SHTN1: variants seen among roughly 807,000 people sequenced by gnomAD.
SHTN1 encodes shootin-1.
In SHTN1, 42 loss-of-function variants were observed where a neutral mutation model predicts 83.1. That is an observed-to-expected ratio of 0.51 (90% CI 0.39 to 0.65). The LOEUF is 0.65. Among genes scored for constraint, SHTN1 ranks in the 30% least tolerant of loss-of-function variants. The probability of loss-of-function intolerance (pLI) is 0.00; values close to 1 mark genes in which losing one functional copy is unlikely to be tolerated. For synonymous variants in SHTN1, 224 were observed against 247.7 expected, an observed-to-expected ratio of 0.90 and a Z score of 0.90; for missense variants, 622 against 737.8, an observed-to-expected ratio of 0.84 and a Z score of 1.82.
At chr10:116,898,938 T>C (rs1056626798) in intron 16 of SHTN1, among the ~76,000 whole-genome samples, 1 of 152,186 alleles carries the variant, frequency 6.6e-6, no homozygotes, top group African/African-American at 2.4e-5. Context: ...ATGGAATCTA[T>C]ACATATGTTG....
At chr10:116,981,045 G>A (rs866643125) in intron 1 of SHTN1, among the ~76,000 whole-genome samples, 10 of 152,292 alleles carry the variant, frequency 6.6e-5, no homozygotes, top group South Asian at 4.1e-4. Context: ...CAGGCTGGGC[G>A]TGGTGGCTCA....
rs189481044 is a variant in SHTN1 at position 117,052,823 on chromosome 10, T to C, written c.-188-4313A>G. Among the ~76,000 whole-genome samples, 548 of 150,998 alleles carry C rather than the reference T, an allele frequency of 3.6e-3. 3 individuals carry two copies. The highest frequency in any genetic ancestry group is 0.012 in the African/African-American group (491 of 41,220). Reference sequence around the variant, plus strand: ...TCACGAGGCCAGGAGATCGAGACCATCCTGGCTAACATGGTGAAACCCTGT... The same window carrying C: ...TCACGAGGCCAGGAGATCGAGACCACCCTGGCTAACATGGTGAAACCCTGT... On this transcript the variant is annotated intron_variant, in intron 1 of 17. Transcript: ENST00000392901.
intron 2 of SHTN1, among the ~76,000 whole-genome samples, chr10:117,028,326 A>G (rs182167389): frequency 6.6e-6 from 1 of 152,342 alleles, no homozygotes; most frequent in Admixed American, 6.5e-5. Flanking sequence ...AGCAGAGCAT[A>G]AAAGTTTGGA....
chr10:117,101,065 A>G (rs544214896), intron 1 of SHTN1, among the ~76,000 whole-genome samples: 1 of 152,332 alleles, frequency 6.6e-6, no homozygotes, highest in Admixed American at 6.5e-5. Flanking sequence ...ACATAATCCA[A>G]TTTATACTTT....
At chr10:117,032,289 C>T (rs954912686) in intron 2 of SHTN1, among the ~76,000 whole-genome samples, 2 of 152,042 alleles carry the variant, frequency 1.3e-5, no homozygotes, top group South Asian at 2.1e-4. Context: ...CTGCAACCTC[C>T]GCCTCCTGGG....
Position 117,051,999 on chromosome 10 carries a change from CATATATAT to C in SHTN1, c.-188-3497_-188-3490del, listed in dbSNP as rs71013635. On this transcript the variant is annotated intron_variant, in intron 1 of 17. Coordinates refer to the SHTN1 transcript ENST00000392901. ...TACCTTTATTTTCAAATGACATAAT[CATATATAT>C]ATATATATATATATAGAAAAGCCTA... Among the ~76,000 whole-genome samples, 21 of 34,124 alleles carry C rather than the reference CATATATAT, an allele frequency of 6.2e-4. 2 individuals carry two copies. Among genetic ancestry groups the C allele is most frequent in the African/African-American group, 8.4e-4 (10 of 11,908 alleles). The allele number at this position is 34,124 out of a possible 152,430, so 22.4% of individuals were successfully genotyped here.
At chr10:117,098,722 A>G (rs771513034) in intron 1 of SHTN1, among the ~76,000 whole-genome samples, 2 of 152,136 alleles carry the variant, frequency 1.3e-5, no homozygotes, top group Non-Finnish European at 2.9e-5. Context: ...AATAGAAGAA[A>G]AAGAATGCAG....
intron 10 of SHTN1, 115 bp downstream of exon 10, chr10:116,929,734 A>G (rs991380956): frequency 2.2e-5 from 13 of 581,326 alleles, no homozygotes; most frequent in Non-Finnish European, 3.3e-5. Context: ...AAATCTTGGT[A>G]TTTTTCCACA....
chr10:116,916,200 A>G (rs768281265), intron 12 of SHTN1, among the ~76,000 whole-genome samples: 9 of 152,220 alleles, frequency 5.9e-5, no homozygotes, highest in Non-Finnish European at 1.2e-4. Context: ...AAATAAATAA[A>G]TAAAAAAGAG....
chr10:117,029,974 C>T (rs1049743326), intron 2 of SHTN1, among the ~76,000 whole-genome samples: 3 of 151,244 alleles, frequency 2.0e-5, no homozygotes, highest in South Asian at 2.1e-4. Context: ...CTGCAACCTC[C>T]GCCTCCCAGG....
chr10:117,115,547 T>G (rs917717110), intron 1 of SHTN1, among the ~76,000 whole-genome samples: 24 of 152,192 alleles, frequency 1.6e-4, no homozygotes, highest in African/African-American at 5.3e-4. Context: ...GTGAGGCTGC[T>G]CTAGTGATGG....
chr10:117,031,732 CAA>C (rs1174265267), intron 2 of SHTN1, among the ~76,000 whole-genome samples: 1 of 151,900 alleles, frequency 6.6e-6, no homozygotes, highest in Non-Finnish European at 1.5e-5. Context: ...AACTTCAAAC[CAA>C]AAACCATACA....
At chr10:117,063,767 C>T (rs180749798) in intron 1 of SHTN1, among the ~76,000 whole-genome samples, 149 of 152,206 alleles carry the variant, frequency 9.8e-4, no homozygotes, top group African/African-American at 3.4e-3. Context: ...TGTATTCCTA[C>T]ATTTGGTGCC....
intron 12 of SHTN1, 76 bp from the exon 13 acceptor site, chr10:116,915,560 A>C: frequency 1.3e-6 from 1 of 798,166 alleles, no homozygotes; most frequent in Non-Finnish European, 2.1e-6. Context: ...TGACTTGGAA[A>C]AATTACACTA....
intron 8 of SHTN1, among the ~76,000 whole-genome samples, chr10:116,940,896 G>T (rs1207960154): frequency 6.6e-6 from 1 of 152,018 alleles, no homozygotes; most frequent in African/African-American, 2.4e-5. Context: ...ATTAATAGTA[G>T]TAGCTAATAT....
chr10:117,050,306 T>C (rs1852722645), intron 1 of SHTN1, among the ~76,000 whole-genome samples: 1 of 152,086 alleles, frequency 6.6e-6, no homozygotes. Flanking sequence ...TCAGGAATAA[T>C]ACAGAAGATT....
At chr10:117,125,981 G>A (rs1362820566) in intron 1 of SHTN1, among the ~76,000 whole-genome samples, 1 of 152,180 alleles carries the variant, frequency 6.6e-6, no homozygotes, top group Non-Finnish European at 1.5e-5. Context: ...CAAAAACCTG[G>A]CACTCCGTCC....
At chr10:116,942,456 C>T (rs1849415752) in intron 8 of SHTN1, among the ~76,000 whole-genome samples, 1 of 151,840 alleles carries the variant, frequency 6.6e-6, no homozygotes, top group Non-Finnish European at 1.5e-5. Context: ...CAATTGATCC[C>T]CCCGCCTCGG....
chr10:116,952,373 T>C (rs1013693808), intron 5 of SHTN1, among the ~76,000 whole-genome samples: 1 of 152,216 alleles, frequency 6.6e-6, no homozygotes, highest in African/African-American at 2.4e-5. Context: ...TATTTCATAA[T>C]GCCATGGGCT....
Sources: allele counts gnomAD v4.1 joint callset (sites outside exome capture counted in the v4.1 genomes callset), GRCh38; gene constraint gnomAD v4.1.1; transcripts MANE v1.5; gene names NCBI Gene and HGNC (gene_info 2026-07-23, HGNC 2026-07-21).